Variants in PLCB1 observed in about 807,000 individuals in gnomAD.
PLCB1 encodes phospholipase C beta 1, also known as 1-phosphatidylinositol 4,5-bisphosphate phosphodiesterase beta-1.
Under a neutral mutation model 161.8 loss-of-function variants are expected in PLCB1, and 46 were observed. The ratio of observed to expected loss-of-function variants is 0.28; its 90% confidence interval spans 0.22 to 0.36. PLCB1 has a LOEUF of 0.36. Among genes scored for constraint, PLCB1 ranks in the 10% least tolerant of loss-of-function variants. The probability of loss-of-function intolerance (pLI) is 1.00; values close to 1 mark genes in which losing one functional copy is unlikely to be tolerated. For missense variants in PLCB1, 1,016 were observed against 1,472.5 expected (o/e 0.69, Z 5.07); for synonymous variants, 517 against 503.7 (o/e 1.03, Z -0.35).
rs1012863841 is a variant in PLCB1 at position 8,132,708 on chromosome 20, C to T, written c.57C>T (p.Ser19=). 1 of 1,612,934 alleles carries T rather than the reference C, an allele frequency of 6.2e-7. No homozygotes were observed. Among genetic ancestry groups the T allele is most frequent in the African/African-American group, 1.3e-5 (1 of 74,960 alleles). Residue 19 remains serine, a synonymous_variant, in exon 1 of 32, where the codon TCC becomes TCT. Transcript: ENST00000338037. The surrounding 1 kb of genome is among the most constrained non-coding windows in gnomAD (Gnocchi z 5.2). ...TGCAACTCAAGCCCGTGTGCGTGTC[C>T]GACAGCCTCAAGAAGGGCACCAAAT... ...HALQLKPVCV[S]DSLKKGTKFV...
chr20:8,399,852 GA>G (rs892208416), intron 3 of PLCB1, among the ~76,000 whole-genome samples: 13 of 151,438 alleles, frequency 8.6e-5, no homozygotes, highest in Admixed American at 6.6e-4. Flanking sequence ...ATAAAAATAA[GA>G]AAAAAAACCT....
chr20:8,818,355 C>T (rs1985173941), intron 31 of PLCB1, among the ~76,000 whole-genome samples: 1 of 152,154 alleles, frequency 6.6e-6, no homozygotes, highest in Non-Finnish European at 1.5e-5. Flanking sequence ...CTGAGGGTTT[C>T]CCACCAGCAA....
chr20:8,619,219 GA>G (rs1347375870), intron 3 of PLCB1, among the ~76,000 whole-genome samples: 1 of 152,164 alleles, frequency 6.6e-6, no homozygotes, highest in East Asian at 1.9e-4. Flanking sequence ...AGGAGTTTGA[GA>G]CCAGCCTGAC....
intron 3 of PLCB1, among the ~76,000 whole-genome samples, chr20:8,613,840 T>C (rs971410945): frequency 6.6e-6 from 1 of 151,568 alleles, no homozygotes; most frequent in Non-Finnish European, 1.5e-5. Flanking sequence ...ATCAGAAAAA[T>C]TACAGTGAAA....
chr20:8,684,854 G>GGA (rs1990320140), intron 9 of PLCB1, 78 bp from the exon 10 acceptor site: 1 of 1,066,776 alleles, frequency 9.4e-7, no homozygotes, highest in African/African-American at 1.7e-5. Context: ...AGATATTTCT[G>GGA]GAAAAAAAAA....
chr20:8,849,493 T>C (rs1986812425), intron 31 of PLCB1, among the ~76,000 whole-genome samples: 1 of 151,284 alleles, frequency 6.6e-6, no homozygotes, highest in African/African-American at 2.4e-5. Context: ...CTGGCCAACA[T>C]GGCAAAACCC....
At chr20:8,546,178 G>A (rs979981934) in intron 3 of PLCB1, among the ~76,000 whole-genome samples, 1 of 105,718 alleles carries the variant, frequency 9.5e-6, no homozygotes, top group Non-Finnish European at 2.1e-5. Flanking sequence ...AGCTGGGCAT[G>A]GTGGCGTATC....
chr20:8,416,500 T>G (rs1367552613), intron 3 of PLCB1, among the ~76,000 whole-genome samples: 2 of 152,192 alleles, frequency 1.3e-5, no homozygotes, highest in Non-Finnish European at 2.9e-5. Context: ...TGCAAAGGTA[T>G]GCTCACTAAC....
At chr20:8,376,433 G>A (rs889100929) in intron 3 of PLCB1, among the ~76,000 whole-genome samples, 27 of 152,212 alleles carry the variant, frequency 1.8e-4, no homozygotes, top group Non-Finnish European at 3.2e-4. Context: ...ACATAAACAT[G>A]ATAGCTTTTT....
intron 31 of PLCB1, among the ~76,000 whole-genome samples, chr20:8,861,558 C>T (rs6133636): frequency 0.28 from 42,664 of 151,668 alleles, 7,255 homozygotes; most frequent in East Asian, 0.65. Context: ...GGTGAAACCC[C>T]GTCTCTACTA....
Position 8,320,891 on chromosome 20 carries a change from AAG to A in PLCB1, c.178-50485_178-50484del, listed in dbSNP as rs369518170. ...AAAAGAAAGAAAAAGGAAAGAAAGA[AAG>A]AGAGAAGAAGAAAAGAAGAAGAGGA... On this transcript the variant is annotated intron_variant, in intron 2 of 31. Transcript: ENST00000338037. Among the ~76,000 whole-genome samples the A allele has an allele frequency of 6.9e-4, 104 of 151,746 alleles. 1 individual carries two copies. In the East Asian group the frequency reaches 0.015, roughly 21 times the overall value.
chr20:8,365,319 G>A (rs1286282967), intron 2 of PLCB1, among the ~76,000 whole-genome samples: 1 of 152,186 alleles, frequency 6.6e-6, no homozygotes, highest in Admixed American at 6.5e-5. Flanking sequence ...AAATCTAAGT[G>A]TGTTTAAATA....
intron 2 of PLCB1, among the ~76,000 whole-genome samples, chr20:8,297,892 G>GTT (rs749268293): frequency 0.014 from 1,882 of 132,680 alleles, 32 homozygotes; most frequent in African/African-American, 0.047. Context: ...TTCTTTTTGG[G>GTT]TTTTTTTTTT....
At chr20:8,263,343 A>G (rs901212542) in intron 2 of PLCB1, among the ~76,000 whole-genome samples, 1 of 152,060 alleles carries the variant, frequency 6.6e-6, no homozygotes, top group African/African-American at 2.4e-5. Context: ...CATATCATCA[A>G]TAAAAGTTTT....
At chr20:8,456,480 C>T (rs1291700528) in intron 3 of PLCB1, among the ~76,000 whole-genome samples, 1 of 151,878 alleles carries the variant, frequency 6.6e-6, no homozygotes, top group East Asian at 1.9e-4. Flanking sequence ...TTACACATTG[C>T]AGAGTAGCAG....
chr20:8,519,348 A>C (rs1023769244), intron 3 of PLCB1, among the ~76,000 whole-genome samples: 2 of 152,168 alleles, frequency 1.3e-5, no homozygotes, highest in African/African-American at 4.8e-5. Flanking sequence ...AGGAAAGATA[A>C]GGAAAAACTT....
In PLCB1 at chr20:8,481,888, A is replaced by C. The variant is rs375412554; in HGVS notation, c.246+110438A>C. On this transcript the variant is annotated intron_variant, in intron 3 of 31. Coordinates refer to ENST00000338037, the MANE Select transcript of PLCB1 (RefSeq NM_015192.4). ...TTTTTTTCCCCAAGCTGGAGTTGAA[A>C]TCTACTTGAATATCTCTCTCCTATG... 4.6e-5 allele frequency among the ~76,000 whole-genome samples: 7 copies of C among 152,118 alleles called. No homozygotes were observed. In the East Asian group the frequency reaches 1.2e-3, roughly 25 times the overall value.
At chr20:8,364,943 CTTTT>C (rs1194130632) in intron 2 of PLCB1, among the ~76,000 whole-genome samples, 1 of 152,052 alleles carries the variant, frequency 6.6e-6, no homozygotes, top group Non-Finnish European at 1.5e-5. Context: ...AGATCTTTTT[CTTTT>C]TCTTTGTTTA....
intron 3 of PLCB1, among the ~76,000 whole-genome samples, chr20:8,377,667 G>A (rs1375944174): frequency 2.0e-5 from 3 of 152,282 alleles, no homozygotes; most frequent in Admixed American, 2.0e-4. Context: ...TGGATGTGAA[G>A]TATGAGCAAA....
Sources: allele counts gnomAD v4.1 joint callset (sites outside exome capture counted in the v4.1 genomes callset), GRCh38; gene constraint gnomAD v4.1.1; non-coding constraint Gnocchi (gnomAD v3.1); transcripts MANE v1.5; gene names NCBI Gene and HGNC (gene_info 2026-07-23, HGNC 2026-07-21).